The following TRIM39 variants were observed in gnomAD, a reference collection of about 807,000 sequenced individuals.
The protein encoded by TRIM39 is tripartite motif containing 39, also known as E3 ubiquitin-protein ligase TRIM39.
A neutral mutation model predicts 53.6 loss-of-function variants in TRIM39; 5 were observed. That is an observed-to-expected ratio of 0.09 (90% CI 0.05 to 0.20). TRIM39 has a LOEUF of 0.20. Among genes scored for constraint, TRIM39 ranks in the 10% least tolerant of loss-of-function variants. The pLI is 1.00. For synonymous variants in TRIM39, 196 were observed against 237.6 expected, an observed-to-expected ratio of 0.82 and a Z score of 1.61; for missense variants, 310 against 621.0, an observed-to-expected ratio of 0.50 and a Z score of 5.32.
chr6:30,326,673 G>A (rs1411173929), exon 1 of TRIM39: 1 of 152,532 alleles, frequency 6.6e-6, no homozygotes, highest in Non-Finnish European at 1.5e-5. Flanking sequence ...GCGCATGCGC[G>A]GGCCTGTATC....
intron 7 of TRIM39, chr6:30,341,434 A>G (rs1420356880): frequency 4.3e-6 from 3 of 693,968 alleles, no homozygotes; most frequent in Non-Finnish European, 8.1e-6. Context: ...TGATAATGTC[A>G]GAGGGAGATG....
Position 30,329,293 on chromosome 6 carries a change from C to T in TRIM39, c.-7-18C>T, listed in dbSNP as rs1436383814. 4 of 1,593,034 alleles carry T rather than the reference C, an allele frequency of 2.5e-6. No individual in the cohort carries two copies. Among genetic ancestry groups the T allele is most frequent in the Middle Eastern group, 1.7e-4 (1 of 5,946 alleles). On this transcript the variant is annotated intron_variant, in intron 2 of 7. Coordinates refer to ENST00000396551, the Ensembl canonical transcript of TRIM39. ...AATTAATATTTTTATTTTCTCTGTC[C>T]TCTTCCCCACTCCCAAGTTAAATTA...
At chr6:30,327,761 G>T (rs1425668923) in intron 1 of TRIM39, 1 of 152,216 alleles carries the variant, frequency 6.6e-6, no homozygotes, top group African/African-American at 2.4e-5. Flanking sequence ...GTCAAAGTTG[G>T]ATTCCCACAG....
In TRIM39 at chr6:30,342,409, G is replaced by A. The variant is rs1787649346; in HGVS notation, c.*150G>A. 2.5e-6 allele frequency: 2 copies of A among 791,294 alleles called. No individual in the cohort carries two copies. The highest frequency in any genetic ancestry group is 2.7e-5 in the Admixed American group (1 of 37,452). The allele number at this position is 791,294 out of a possible 1,614,324, so 49.0% of individuals were successfully genotyped here. On this transcript the variant is annotated 3_prime_UTR_variant, in exon 8 of 8. Coordinates refer to ENST00000396551, the Ensembl canonical transcript of TRIM39. This position sits in a 1 kb window ranked among gnomAD's most constrained non-coding sequence, Gnocchi z 4.7. ...CTTGGTTTCTAGGATGGTTTTGTGT[G>A]GAGGGGGAGGTAGGACTGGGCTGGA...
rs180908104 is a variant in TRIM39 at position 30,337,452 on chromosome 6, T to C, written c.780+1477T>C. Among the ~76,000 whole-genome samples the C allele has an allele frequency of 1.8e-3, 272 of 152,208 alleles. 1 individual carries two copies. Among genetic ancestry groups the C allele is most frequent in the Admixed American group, 3.7e-3 (56 of 15,276 alleles). On this transcript the variant is annotated intron_variant, in intron 5 of 7. Coordinates refer to ENST00000396551, the Ensembl canonical transcript of TRIM39. ...GGCTAGGCACGTTGGCTCACATCTG[T>C]AATCCCAGCACTCTGAGAGATCAAG... is the stretch of plus-strand genomic sequence containing the variant.
chr6:30,340,520 G>T (rs779752098), exon 7 of TRIM39: 7 of 1,613,036 alleles, frequency 4.3e-6, no homozygotes, highest in South Asian at 3.3e-5. Context: ...AAAAGGTGAA[G>T]ACCATGGAGG....
At chr6:30,329,316 T>C (rs772891926) in exon 3 of TRIM39, 39 of 1,605,390 alleles carry the variant, frequency 2.4e-5, no homozygotes, top group Non-Finnish European at 3.3e-5. Flanking sequence ...CCAAGTTAAA[T>C]TATGGCAGAG....
chr6:30,340,664 A>G lies in TRIM39; in HGVS notation c.919+44A>G, dbSNP rs181089786. 4.5e-4 allele frequency: 713 copies of G among 1,585,530 alleles called. 1 individual carries two copies. Among genetic ancestry groups the G allele is most frequent in the African/African-American group, 3.4e-3 (252 of 73,356 alleles). On this transcript the variant is annotated intron_variant, in intron 7 of 7. Transcript: ENST00000396551. The stretch of plus-strand genomic sequence containing the variant: ...GAAACTAGAAGAAACCACTAGAGAG[A>G]AGAAAGTTTTTAGGTCCTACCTTAT...
exon 8 of TRIM39, chr6:30,343,526 A>T (rs926487588): frequency 3.3e-5 from 5 of 152,676 alleles, no homozygotes; most frequent in Non-Finnish European, 7.3e-5. Flanking sequence ...ACCAATTTGG[A>T]TTATCTGCTA....
rs566160568 is a variant in TRIM39, at chr6:30,342,614, A to T, written c.*355A>T. On this transcript the variant is annotated 3_prime_UTR_variant, in exon 8 of 8. Transcript: ENST00000396551. The surrounding 1 kb of genome is among the most constrained non-coding windows in gnomAD (Gnocchi z 4.7). ...TCTGACTTGCTCAAACCAGAGGAGG[A>T]AACAGAAACCCCTGCACATCTTTTT... 1 of 364,978 alleles carries T rather than the reference A, an allele frequency of 2.7e-6. No homozygotes were observed. The highest frequency in any genetic ancestry group is 5.0e-6 in the Non-Finnish European group (1 of 200,776). The allele number at this position is 364,978 out of a possible 1,614,324, so 22.6% of individuals were successfully genotyped here.
At chr6:30,332,511 A>G (rs901438160) in intron 4 of TRIM39, among the ~76,000 whole-genome samples, 3 of 152,250 alleles carry the variant, frequency 2.0e-5, no homozygotes. Flanking sequence ...GAAAGCAAGT[A>G]TTATTACCTT....
intron 5 of TRIM39, among the ~76,000 whole-genome samples, chr6:30,337,298 G>A (rs57455108): frequency 2.0e-5 from 3 of 152,042 alleles, no homozygotes; most frequent in Non-Finnish European, 2.9e-5. Context: ...CCAGCTACTC[G>A]GGAGGCTGAG....
intron 5 of TRIM39, 155 bp downstream of exon 5, chr6:30,336,130 A>G: frequency 2.6e-6 from 3 of 1,171,528 alleles, no homozygotes; most frequent in Non-Finnish European, 3.7e-6. Flanking sequence ...TGCTACGGAA[A>G]AGTGATTTCT....
In TRIM39 at chr6:30,330,748, T is replaced by G. The variant is rs1343934033; in HGVS notation, c.454-33T>G. On this transcript the variant is annotated intron_variant, in intron 3 of 7. Transcript: ENST00000396551. ...GGTAGGTATACCAGTCAACCCCAAATGTCACCTCTCCCACTTCCTCCCTAC... is the reference window on the plus strand; with the variant it reads ...GGTAGGTATACCAGTCAACCCCAAAGGTCACCTCTCCCACTTCCTCCCTAC... The G allele has an allele frequency of 1.9e-6, 3 of 1,611,302 alleles. No homozygotes were observed. The East Asian group carries it at 6.7e-5, about 36-fold the overall frequency.
Position 30,335,458 on chromosome 6 carries a change from A to G in TRIM39, c.550-287A>G, listed in dbSNP as rs1349169691. On this transcript the variant is annotated intron_variant, in intron 4 of 7. Coordinates refer to ENST00000396551, the Ensembl canonical transcript of TRIM39. The surrounding 1 kb of genome is among the most constrained non-coding windows in gnomAD (Gnocchi z 4.7). ...CACCTCAGCCTCTCCAGTAGCTGGG[A>G]CTACAGGCATGCACCACCAGACTCA... Among the ~76,000 whole-genome samples the G allele has an allele frequency of 6.6e-6, 1 of 152,102 alleles. No homozygotes were observed. The highest frequency in any genetic ancestry group is 1.5e-5 in the Non-Finnish European group (1 of 67,994).
exon 1 of TRIM39, chr6:30,326,493 T>C (rs1406256971): frequency 6.6e-6 from 1 of 152,382 alleles, no homozygotes; most frequent in East Asian, 1.9e-4. Context: ...AGAGGAAAAG[T>C]GTGGAAGTCC....
chr6:30,341,544 T>C, intron 7 of TRIM39, 168 bp from the exon 8 acceptor site: 2 of 1,030,294 alleles, frequency 1.9e-6, no homozygotes, highest in Non-Finnish European at 2.9e-6. Flanking sequence ...AGCCATTGCT[T>C]TCTCCCCTTC....
chr6:30,336,050 TG>T (rs1329482358), intron 5 of TRIM39, 75 bp downstream of exon 5: 1 of 1,576,944 alleles, frequency 6.3e-7, no homozygotes. Flanking sequence ...TTTGTCAGCC[TG>T]GGATACTCAT....
intron 3 of TRIM39, among the ~76,000 whole-genome samples, chr6:30,330,576 G>A (rs1184229306): frequency 6.6e-6 from 1 of 152,174 alleles, no homozygotes; most frequent in Non-Finnish European, 1.5e-5. Context: ...GAGCAGAGAA[G>A]GTGATGTGGA....
Sources: gnomAD v4.1 joint callset for allele counts (sites outside exome capture counted in the v4.1 genomes callset) on GRCh38, gnomAD v4.1.1 for gene constraint, Gnocchi (gnomAD v3.1) non-coding constraint, MANE v1.5 for transcripts, NCBI Gene and HGNC (gene_info 2026-07-23, HGNC 2026-07-21) for gene names.